The following GLIS3 variants were observed in gnomAD, a reference collection of about 807,000 sequenced individuals.
GLIS3 encodes the protein GLIS family zinc finger 3.
GLIS3 carries 53 observed loss-of-function variants against 78.6 expected under a neutral mutation model. The ratio of observed to expected loss-of-function variants is 0.67; its 90% confidence interval spans 0.54 to 0.85. The LOEUF (loss-of-function observed/expected upper bound fraction) is 0.85, where lower values mean the gene tolerates loss of function less well. GLIS3 is among the 40% of genes least tolerant of loss of function. The pLI is 0.00. For missense variants in GLIS3, 1,703 were observed against 1,231.1 expected, an observed-to-expected ratio of 1.38 and a Z score of -5.74; for synonymous variants, 684 against 509.9, an observed-to-expected ratio of 1.34 and a Z score of -4.60.
At chr9:3,974,984 G>C (rs1247339405) in intron 4 of GLIS3, 2 of 152,144 alleles carry the variant, frequency 1.3e-5, no homozygotes, top group Non-Finnish European at 2.9e-5. Flanking sequence ...GTGGGATTTG[G>C]AGGAAGAGGC....
intron 2 of GLIS3, among the ~76,000 whole-genome samples, chr9:4,260,092 G>C (rs1354012262): frequency 6.6e-6 from 1 of 152,174 alleles, no homozygotes; most frequent in Non-Finnish European, 1.5e-5. Flanking sequence ...ACACACTTCA[G>C]GCCAAATCCC....
At chr9:3,909,899 G>A (rs541157223) in intron 6 of GLIS3, among the ~76,000 whole-genome samples, 2 of 152,276 alleles carry the variant, frequency 1.3e-5, no homozygotes, top group Admixed American at 6.5e-5. Flanking sequence ...CATTTGAAGT[G>A]TGGCTAATGC....
intron 4 of GLIS3, among the ~76,000 whole-genome samples, chr9:4,017,438 GCACA>G (rs145332819): frequency 6.6e-5 from 10 of 151,282 alleles, no homozygotes; most frequent in Non-Finnish European, 4.4e-5. Context: ...AAGCTTGCGT[GCACA>G]CACACACACA....
chr9:4,172,425 A>C (rs1212659361), intron 2 of GLIS3, among the ~76,000 whole-genome samples: 1 of 152,186 alleles, frequency 6.6e-6, no homozygotes, highest in Non-Finnish European at 1.5e-5. Flanking sequence ...TGTACAGTAC[A>C]TTAATTGGGA....
At chr9:3,929,630 C>G (rs1001052235) in intron 6 of GLIS3, among the ~76,000 whole-genome samples, 14 of 152,084 alleles carry the variant, frequency 9.2e-5, no homozygotes, top group African/African-American at 3.1e-4. Context: ...TAGAGGCAGG[C>G]AGGCAAGCAG....
chr9:4,401,860 G>T, the GLIS3 span, among the ~76,000 whole-genome samples: 1 of 152,124 alleles, frequency 6.6e-6, no homozygotes, highest in Non-Finnish European at 1.5e-5. Context: ...CAGAACCCCT[G>T]TGGACCAGTG....
the GLIS3 span, among the ~76,000 whole-genome samples, chr9:4,482,634 C>T: frequency 6.6e-6 from 1 of 152,194 alleles, no homozygotes; most frequent in Non-Finnish European, 1.5e-5. Context: ...TCTAGAGATA[C>T]TCAGAAGCTG....
chr9:4,009,358 T>C (rs891367759), intron 4 of GLIS3, among the ~76,000 whole-genome samples: 2 of 152,134 alleles, frequency 1.3e-5, no homozygotes, highest in Admixed American at 6.5e-5. Flanking sequence ...TCACTCCTCA[T>C]TTCCAACAGA....
intron 4 of GLIS3, among the ~76,000 whole-genome samples, chr9:4,046,457 G>C (rs1367794489): frequency 6.6e-6 from 1 of 152,164 alleles, no homozygotes; most frequent in African/African-American, 2.4e-5. Context: ...ACCCTATAAG[G>C]AGGGGCTGAG....
intron 2 of GLIS3, among the ~76,000 whole-genome samples, chr9:4,140,608 C>T (rs10974344): frequency 0.37 from 56,720 of 151,950 alleles, 11,074 homozygotes; most frequent in African/African-American, 0.43. Context: ...TCCCCCAGAG[C>T]TGCTCAACTA....
At chr9:3,994,279 G>T (rs983374315) in intron 4 of GLIS3, among the ~76,000 whole-genome samples, 8 of 152,154 alleles carry the variant, frequency 5.3e-5, no homozygotes, top group African/African-American at 1.9e-4. Context: ...AAAATACAAA[G>T]CCACTTCAAT....
intron 8 of GLIS3, among the ~76,000 whole-genome samples, chr9:3,870,432 T>A (rs1820898240): frequency 6.6e-6 from 1 of 152,172 alleles, no homozygotes; most frequent in Non-Finnish European, 1.5e-5. Context: ...CCTATATTAG[T>A]CTGTTTTCAT....
the GLIS3 span, among the ~76,000 whole-genome samples, chr9:4,360,493 C>T: frequency 6.6e-5 from 10 of 152,188 alleles, no homozygotes; most frequent in Admixed American, 6.5e-4. Flanking sequence ...TAACTGCTAA[C>T]ATACCTTAAG....
chr9:4,104,894 A>G (rs1830638903), intron 4 of GLIS3, among the ~76,000 whole-genome samples: 1 of 152,238 alleles, frequency 6.6e-6, no homozygotes. Flanking sequence ...AGAGACTGGC[A>G]TGAAATAGTT....
chr9:4,476,360 T>G, the GLIS3 span, among the ~76,000 whole-genome samples: 1,884 of 152,086 alleles, frequency 0.012, 23 homozygotes, highest in South Asian at 0.052. Flanking sequence ...TGGGGTTTTT[T>G]TGTTTTTGTT....
At chr9:4,204,765 T>C (rs969247698) in intron 2 of GLIS3, among the ~76,000 whole-genome samples, 3 of 151,642 alleles carry the variant, frequency 2.0e-5, no homozygotes, top group African/African-American at 7.3e-5. Context: ...ATACAAAAAA[T>C]TAGCCGGGCG....
At chr9:3,926,062 C>A (rs1005551111) in intron 6 of GLIS3, among the ~76,000 whole-genome samples, 1 of 152,058 alleles carries the variant, frequency 6.6e-6, no homozygotes, top group Non-Finnish European at 1.5e-5. Context: ...GCATGCAGTC[C>A]CTCAATTGAG....
At chr9:4,046,265 C>T (rs770521925) in intron 4 of GLIS3, among the ~76,000 whole-genome samples, 3 of 152,128 alleles carry the variant, frequency 2.0e-5, no homozygotes, top group Non-Finnish European at 4.4e-5. Context: ...CCCAGTTGAA[C>T]ATTTTCATCA....
At chr9:4,039,945 A>G (rs1181538301) in intron 4 of GLIS3, among the ~76,000 whole-genome samples, 1 of 152,224 alleles carries the variant, frequency 6.6e-6, no homozygotes, top group Non-Finnish European at 1.5e-5. Context: ...AGGCCAGTGC[A>G]TCACAAATGT....
Sources: gnomAD v4.1 joint callset for allele counts (sites outside exome capture counted in the v4.1 genomes callset) on GRCh38, gnomAD v4.1.1 for gene constraint, MANE v1.5 for transcripts, NCBI Gene and HGNC (gene_info 2026-07-23, HGNC 2026-07-21) for gene names.